CDH9: variants seen among roughly 807,000 people sequenced by gnomAD.
CDH9 encodes cadherin 9.
CDH9 carries 28 observed loss-of-function variants against 70.9 expected under a neutral mutation model. The ratio of observed to expected loss-of-function variants is 0.40; its 90% CI spans 0.29 to 0.54. The LOEUF (loss-of-function observed/expected upper bound fraction) is 0.54. Ranked by LOEUF, CDH9 falls within the 20% of genes least tolerant of loss-of-function variation. CDH9 has a pLI of 0.59. For missense variants in CDH9, 874 were observed against 984.4 expected (o/e 0.89, Z 1.50); for synonymous variants, 409 against 343.1 (o/e 1.19, Z -2.12).
At chr5:26,949,611 C>A (rs1206948007) in intron 2 of CDH9, among the ~76,000 whole-genome samples, 1 of 152,140 alleles carries the variant, frequency 6.6e-6, no homozygotes. Flanking sequence ...GCCACAGCAA[C>A]AACATATATG....
chr5:26,940,700 A>T (rs1233837699), intron 2 of CDH9, among the ~76,000 whole-genome samples: 3 of 152,194 alleles, frequency 2.0e-5, no homozygotes, highest in Admixed American at 1.3e-4. Context: ...ACCATTGTCT[A>T]CATATCTGTT....
intron 2 of CDH9, among the ~76,000 whole-genome samples, chr5:26,981,534 A>G (rs758665592): frequency 1.3e-5 from 2 of 152,128 alleles, no homozygotes; most frequent in African/African-American, 2.4e-5. Context: ...ACATATATGG[A>G]GAGCCAACTG....
chr5:27,016,477 T>C (rs1366782484), intron 1 of CDH9, among the ~76,000 whole-genome samples: 1 of 151,882 alleles, frequency 6.6e-6, no homozygotes, highest in Non-Finnish European at 1.5e-5. Context: ...TTAAAATGCA[T>C]GTGCTATACA....
intron 11 of CDH9, 56 bp downstream of exon 11, chr5:26,885,558 A>G (rs1003183612): frequency 4.1e-6 from 6 of 1,446,502 alleles, no homozygotes; most frequent in Admixed American, 3.4e-5. Flanking sequence ...CCATGCTCAG[A>G]CAGTGAGGGA....
At chr5:26,997,320 T>C (rs951142222) in intron 1 of CDH9, among the ~76,000 whole-genome samples, 1 of 151,980 alleles carries the variant, frequency 6.6e-6, no homozygotes. Flanking sequence ...ATTTAAAGGA[T>C]AAACGTAAGC....
intron 1 of CDH9, among the ~76,000 whole-genome samples, chr5:27,012,076 G>A (rs1043838169): frequency 1.3e-5 from 2 of 151,794 alleles, no homozygotes; most frequent in Non-Finnish European, 2.9e-5. Flanking sequence ...ACAGGGACTA[G>A]GATCCACTAT....
At chr5:26,933,585 C>A (rs527861552) in intron 2 of CDH9, among the ~76,000 whole-genome samples, 1 of 151,796 alleles carries the variant, frequency 6.6e-6, no homozygotes, top group Admixed American at 6.6e-5. Context: ...ACCATCCAGG[C>A]CAACATGGTG....
intron 7 of CDH9, among the ~76,000 whole-genome samples, chr5:26,894,202 A>G (rs1740708280): frequency 6.6e-6 from 1 of 152,174 alleles, no homozygotes; most frequent in Non-Finnish European, 1.5e-5. Context: ...TTATGTCTGA[A>G]TAGATCTTGG....
rs58025140 is a variant in CDH9, at chr5:26,891,679, AAAAC to A, written c.1254-1119_1254-1116del. On this transcript the variant is annotated intron_variant, in intron 7 of 11. Coordinates refer to ENST00000231021, the MANE Select transcript of CDH9 (RefSeq NM_016279.4). ...GGTGACAGAGTGAGACTCCATCTCA[AAAAC>A]AAACAAACAAACAAACAAAGTGAAA... is the stretch of plus-strand genomic sequence containing the variant. 1.1e-4 allele frequency among the ~76,000 whole-genome samples: 16 copies of A among 150,422 alleles called. 1 individual carries two copies. Among genetic ancestry groups the A allele is most frequent in the South Asian group, 1.1e-3 (5 of 4,742 alleles).
At chr5:26,988,492 A>G (rs953221927) in intron 1 of CDH9, 110 bp from the exon 2 acceptor site, 27 of 867,290 alleles carry the variant, frequency 3.1e-5, no homozygotes, top group Non-Finnish European at 4.4e-5. Flanking sequence ...ATTATGTACT[A>G]TATATACATT....
At chr5:26,968,796 A>G (rs1160949538) in intron 2 of CDH9, among the ~76,000 whole-genome samples, 3 of 151,940 alleles carry the variant, frequency 2.0e-5, no homozygotes, top group Non-Finnish European at 4.4e-5. Context: ...CATGCCTTCA[A>G]AATGGATAGA....
chr5:26,884,137 C>T (rs1375416104), intron 11 of CDH9, among the ~76,000 whole-genome samples: 4 of 152,018 alleles, frequency 2.6e-5, no homozygotes, highest in Non-Finnish European at 5.9e-5. Flanking sequence ...GAAATTAGTG[C>T]TTTCCATATT....
At chr5:26,923,295 C>T (rs111402167) in intron 2 of CDH9, among the ~76,000 whole-genome samples, 65 of 151,148 alleles carry the variant, frequency 4.3e-4, no homozygotes, top group African/African-American at 1.5e-3. Flanking sequence ...GATACCAAGA[C>T]GGAAATATAA....
At chr5:26,983,114 C>T (rs1417481380) in intron 2 of CDH9, among the ~76,000 whole-genome samples, 1 of 152,046 alleles carries the variant, frequency 6.6e-6, no homozygotes, top group African/African-American at 2.4e-5. Context: ...ACAACAACAA[C>T]AACAAACAGA....
intron 2 of CDH9, among the ~76,000 whole-genome samples, chr5:26,973,443 ATT>A (rs34472789): frequency 6.8e-6 from 1 of 147,812 alleles, no homozygotes; most frequent in Non-Finnish European, 1.5e-5. Flanking sequence ...TTTATTTTGT[ATT>A]TTTTTTTTTA....
At chr5:26,895,659 G>A (rs985568009) in intron 7 of CDH9, among the ~76,000 whole-genome samples, 5 of 152,048 alleles carry the variant, frequency 3.3e-5, no homozygotes, top group African/African-American at 1.2e-4. Context: ...TACTAATGAG[G>A]TGAAGCAGAG....
chr5:26,947,862 C>G (rs911656402), intron 2 of CDH9, among the ~76,000 whole-genome samples: 1 of 152,094 alleles, frequency 6.6e-6, no homozygotes, highest in Non-Finnish European at 1.5e-5. Context: ...TCCTCCTGGC[C>G]AAGACACAGC....
intron 2 of CDH9, among the ~76,000 whole-genome samples, chr5:26,983,634 A>G (rs991309300): frequency 2.0e-5 from 3 of 152,202 alleles, no homozygotes; most frequent in Non-Finnish European, 4.4e-5. Flanking sequence ...ATTCATAAAG[A>G]GAATTTTGGA....
intron 2 of CDH9, among the ~76,000 whole-genome samples, chr5:26,958,287 C>T (rs527859960): frequency 1.1e-3 from 174 of 152,312 alleles, no homozygotes; most frequent in Non-Finnish European, 2.2e-3. Flanking sequence ...TATTACTCAT[C>T]TTCCCCAAAC....
Sources: allele counts gnomAD v4.1 joint callset (sites outside exome capture counted in the v4.1 genomes callset), GRCh38; gene constraint gnomAD v4.1.1; transcripts MANE v1.5; gene names NCBI Gene and HGNC (gene_info 2026-07-23, HGNC 2026-07-21).